MACROD2: variants seen among roughly 807,000 people sequenced by gnomAD.
The protein encoded by MACROD2 is mono-ADP ribosylhydrolase 2.
In MACROD2, 36 loss-of-function variants were observed where a neutral mutation model predicts 70.4. The observed-to-expected ratio is 0.51, with a 90% CI of 0.39 to 0.68. MACROD2 has a LOEUF of 0.68. Among genes scored for constraint, MACROD2 ranks in the 30% least tolerant of loss-of-function variants. The pLI is 0.00. For synonymous variants in MACROD2, 172 were observed against 178.8 expected (o/e 0.96, Z 0.30); for missense variants, 496 against 538.4 (o/e 0.92, Z 0.78).
intron 3 of MACROD2, among the ~76,000 whole-genome samples, chr20:14,355,224 C>T (rs529831045): frequency 1.3e-5 from 2 of 152,292 alleles, no homozygotes; most frequent in South Asian, 4.1e-4. Flanking sequence ...CCCAACAGTG[C>T]ATATACAGGT....
At chr20:14,318,149 A>G (rs903186799) in intron 3 of MACROD2, among the ~76,000 whole-genome samples, 1 of 152,150 alleles carries the variant, frequency 6.6e-6, no homozygotes, top group African/African-American at 2.4e-5. Flanking sequence ...AACTAGCCTC[A>G]GTTTTATGTT....
At chr20:15,783,723 G>A (rs1049123590) in intron 8 of MACROD2, among the ~76,000 whole-genome samples, 4 of 152,158 alleles carry the variant, frequency 2.6e-5, no homozygotes, top group Non-Finnish European at 5.9e-5. Flanking sequence ...CTCAAGTGAT[G>A]CCATAACTGG....
intron 3 of MACROD2, among the ~76,000 whole-genome samples, chr20:14,318,378 T>C (rs2082631023): frequency 6.6e-6 from 1 of 152,180 alleles, no homozygotes; most frequent in African/African-American, 2.4e-5. Flanking sequence ...AGAAAAACTT[T>C]GAAGGCAACC....
chr20:15,229,621 TTTGTC>T (rs1226736085), intron 5 of MACROD2, among the ~76,000 whole-genome samples: 2 of 152,214 alleles, frequency 1.3e-5, no homozygotes, highest in Non-Finnish European at 2.9e-5. Context: ...CCGCCAAGGA[TTTGTC>T]TTTTTCCAGG....
chr20:14,950,820 C>A (rs1403937681), intron 5 of MACROD2, among the ~76,000 whole-genome samples: 1 of 152,108 alleles, frequency 6.6e-6, no homozygotes, highest in Non-Finnish European at 1.5e-5. Flanking sequence ...AGTGAAAAGA[C>A]TTGAGGTCAG....
At chr20:15,769,015 T>G (rs2051576320) in intron 8 of MACROD2, among the ~76,000 whole-genome samples, 1 of 152,254 alleles carries the variant, frequency 6.6e-6, no homozygotes, top group East Asian at 1.9e-4. Context: ...TCTGGATACC[T>G]GAAGGACCTT....
At chr20:16,042,472 T>C (rs987575803) in intron 16 of MACROD2, among the ~76,000 whole-genome samples, 1 of 152,048 alleles carries the variant, frequency 6.6e-6, no homozygotes, top group African/African-American at 2.4e-5. Context: ...AGATTCACCA[T>C]ACACAGCAGA....
At chr20:14,655,354 TGTG>T (rs1286485060) in intron 4 of MACROD2, among the ~76,000 whole-genome samples, 22 of 151,418 alleles carry the variant, frequency 1.5e-4, no homozygotes, top group African/African-American at 5.1e-4. Flanking sequence ...TGTGTGTGTG[TGTG>T]TTTTGAGGGT....
intron 8 of MACROD2, among the ~76,000 whole-genome samples, chr20:15,747,423 T>G (rs1361669807): frequency 6.6e-6 from 1 of 152,160 alleles, no homozygotes; most frequent in Non-Finnish European, 1.5e-5. Context: ...GGATCACACA[T>G]AGGTTTTCAG....
chr20:15,694,423 T>A (rs2050338539), intron 8 of MACROD2, among the ~76,000 whole-genome samples: 1 of 152,192 alleles, frequency 6.6e-6, no homozygotes, highest in Admixed American at 6.5e-5. Flanking sequence ...AGGAGTAAGG[T>A]GGTATCACAT....
chr20:15,143,646 A>G (rs1308006471), intron 5 of MACROD2, among the ~76,000 whole-genome samples: 3 of 152,146 alleles, frequency 2.0e-5, no homozygotes, highest in African/African-American at 4.8e-5. Flanking sequence ...CTCCAAGGCT[A>G]TGAAAACATT....
intron 5 of MACROD2, among the ~76,000 whole-genome samples, chr20:14,700,225 T>C (rs906554656): frequency 5.9e-5 from 9 of 152,234 alleles, no homozygotes; most frequent in Non-Finnish European, 1.3e-4. Flanking sequence ...GTGTGTAATA[T>C]ATACCTATAG....
intron 1 of MACROD2, among the ~76,000 whole-genome samples, chr20:14,000,152 C>G (rs181039652): frequency 7.9e-5 from 12 of 152,310 alleles, no homozygotes; most frequent in Non-Finnish European, 1.5e-4. Flanking sequence ...ATGCTTCCTT[C>G]CGTTCCCTCT....
At chr20:15,830,737 T>C (rs1289711858) in intron 8 of MACROD2, among the ~76,000 whole-genome samples, 2 of 152,224 alleles carry the variant, frequency 1.3e-5, no homozygotes, top group Non-Finnish European at 2.9e-5. Flanking sequence ...CTTCTGTTTT[T>C]TCAACTTAAG....
At chr20:14,363,276 CG>C (rs1453373261) in intron 3 of MACROD2, among the ~76,000 whole-genome samples, 1 of 152,020 alleles carries the variant, frequency 6.6e-6, no homozygotes, top group African/African-American at 2.4e-5. Context: ...AATTTCTCAA[CG>C]GGGAGATACT....
intron 3 of MACROD2, among the ~76,000 whole-genome samples, chr20:14,378,689 T>C (rs2083395268): frequency 6.6e-6 from 1 of 152,198 alleles, no homozygotes; most frequent in Non-Finnish European, 1.5e-5. Flanking sequence ...CCTTCTTGTG[T>C]AGAAGCATGA....
intron 4 of MACROD2, among the ~76,000 whole-genome samples, chr20:14,512,170 T>G (rs1377585582): frequency 6.6e-6 from 1 of 152,148 alleles, no homozygotes; most frequent in Admixed American, 6.6e-5. Context: ...AGGCAAATTT[T>G]CTTTTCCAAA....
chr20:16,017,937 G>C (rs1198613344), intron 15 of MACROD2, among the ~76,000 whole-genome samples: 1 of 152,160 alleles, frequency 6.6e-6, no homozygotes, highest in Non-Finnish European at 1.5e-5. Flanking sequence ...GAGTCTGGGA[G>C]AACCTCTGAG....
Position 14,337,862 on chromosome 20 carries a change from C to T in MACROD2, c.272-155617C>T, listed in dbSNP as rs141897750. ...TCTCAACATTTTCTAAAGTTTACTA[C>T]AAGGCAGTGGTAGCATACTTATGTA... On this transcript the variant is annotated intron_variant, in intron 3 of 17. Coordinates refer to ENST00000684519, the MANE Select transcript of MACROD2 (RefSeq NM_001351661.2). 9.7e-4 allele frequency among the ~76,000 whole-genome samples: 148 copies of T among 152,218 alleles called. 1 individual carries two copies. In the East Asian group the frequency reaches 0.022, roughly 23 times the overall value.
Sources: allele counts gnomAD v4.1 joint callset (sites outside exome capture counted in the v4.1 genomes callset), GRCh38; gene constraint gnomAD v4.1.1; transcripts MANE v1.5; gene names NCBI Gene and HGNC (gene_info 2026-07-23, HGNC 2026-07-21).